The following PPP2R3B variants were observed in gnomAD, a reference collection of about 807,000 sequenced individuals.
PPP2R3B encodes the protein serine/threonine-protein phosphatase 2A regulatory subunit B'' subunit beta.
A neutral mutation model predicts 72.9 loss-of-function variants in PPP2R3B; 68 were observed. That is an observed-to-expected ratio of 0.93 (90% CI 0.77 to 1.14). The LOEUF is 1.14. Among genes scored for constraint, PPP2R3B ranks in the 50% most tolerant of loss-of-function variants. The probability of loss-of-function intolerance (pLI) is 0.00; values close to 1 mark genes in which losing one functional copy is unlikely to be tolerated. For synonymous variants in PPP2R3B, 466 were observed against 375.8 expected (o/e 1.24, Z -2.78); for missense variants, 1,018 against 842.0 (o/e 1.21, Z -2.59).
chrX:355,163 T>C (rs1365597116), intron 2 of PPP2R3B, among the ~76,000 whole-genome samples: 1 of 152,200 alleles, frequency 6.6e-6, no homozygotes, highest in Non-Finnish European at 1.5e-5. Flanking sequence ...TGAGTTAAAC[T>C]TGGTCAGAAA....
chrX:354,910 C>T (rs532236352), intron 2 of PPP2R3B, among the ~76,000 whole-genome samples: 30 of 152,278 alleles, frequency 2.0e-4, no homozygotes, highest in African/African-American at 6.5e-4. Context: ...CCTCCTGAGT[C>T]TGATGAAGGA....
In PPP2R3B at chrX:382,766, C is replaced by A. The variant is rs1052157606; in HGVS notation, c.324+3602G>T. On this transcript the variant is annotated intron_variant, in intron 1 of 12. Coordinates refer to ENST00000390665, the MANE Select transcript of PPP2R3B (RefSeq NM_013239.5). ...ATTCCCAGCCCTAGGAGAATTCATG[C>A]AAAGTCACAATAGTCCCAGCCCTAG... Among the ~76,000 whole-genome samples, 10 of 152,114 alleles carry A rather than the reference C, an allele frequency of 6.6e-5. No homozygotes were observed. In the East Asian group the frequency reaches 1.9e-3, roughly 29 times the overall value.
intron 2 of PPP2R3B, among the ~76,000 whole-genome samples, chrX:353,740 G>A (rs1179619457): frequency 6.6e-6 from 1 of 151,956 alleles, no homozygotes; most frequent in Non-Finnish European, 1.5e-5. Context: ...CAGGGACCGG[G>A]GGCTGGGGGC....
In PPP2R3B at chrX:341,408, G is replaced by A; in HGVS notation, c.1086-12C>T. On this transcript the variant is annotated splice_polypyrimidine_tract_variant and intron_variant, in intron 8 of 12. Transcript: ENST00000390665. Reference sequence around the variant, plus strand: ...GCACTTTTCTGCCTCTAGATCGAAAGCCAGGATGGAGAGACGAAGATGCAT... The same window carrying A: ...GCACTTTTCTGCCTCTAGATCGAAAACCAGGATGGAGAGACGAAGATGCAT... 1.9e-6 allele frequency: 3 copies of A among 1,611,882 alleles called. No homozygotes were observed. Among genetic ancestry groups the A allele is most frequent in the South Asian group, 1.1e-5 (1 of 91,064 alleles).
At chrX:355,872 G>T (rs1288999623) in intron 2 of PPP2R3B, among the ~76,000 whole-genome samples, 2 of 152,036 alleles carry the variant, frequency 1.3e-5, no homozygotes, top group South Asian at 4.1e-4. Context: ...CCGCTCAAGC[G>T]CAAGGATGCA....
intron 2 of PPP2R3B, among the ~76,000 whole-genome samples, chrX:352,319 C>A (rs1394687939): frequency 1.3e-5 from 2 of 152,256 alleles, no homozygotes; most frequent in Admixed American, 6.5e-5. Flanking sequence ...CCCACCCGCA[C>A]GGCCAGGACA....
rs201799096 is a variant in PPP2R3B at position 338,861 on chromosome X, G to C, written c.1387C>G (p.Leu463Val). 3.1e-6 allele frequency: 5 copies of C among 1,612,344 alleles called. No homozygotes were observed. The highest frequency in any genetic ancestry group is 3.4e-6 in the Non-Finnish European group (4 of 1,179,708). Residue 463 changes from leucine (L) to valine (V), a missense_variant, in exon 11 of 13, where the codon CTG (leucine) becomes GTG (valine). Transcript: ENST00000390665. ...AAGGTGTCGAAGAAGACGTTAGCCA[G>C]CTTGCAGCGCTTCAGGTCCTGCAGC... ...ITLQDLKRCK[L>V]ANVFFDTFFN...
At chrX:346,564 C>T (rs1484016202) in intron 5 of PPP2R3B, 137 bp downstream of exon 5, 2 of 852,864 alleles carry the variant, frequency 2.3e-6, no homozygotes, top group Non-Finnish European at 3.6e-6. Flanking sequence ...GGAGACTCTC[C>T]CAGAGCGCGG....
At chrX:344,530 G>A (rs1166391389) in intron 7 of PPP2R3B, among the ~76,000 whole-genome samples, 2 of 152,274 alleles carry the variant, frequency 1.3e-5, no homozygotes, top group African/African-American at 4.8e-5. Flanking sequence ...CTGGGACCGA[G>A]AGTGGGCTCC....
chrX:381,906 T>C (rs1322669814), intron 1 of PPP2R3B, among the ~76,000 whole-genome samples: 3 of 152,154 alleles, frequency 2.0e-5, no homozygotes, highest in Admixed American at 2.0e-4. Context: ...CCCAAGCTCA[T>C]CTTTTTTGTC....
At chrX:351,996 G>C (rs1158199268) in intron 2 of PPP2R3B, among the ~76,000 whole-genome samples, 1 of 152,204 alleles carries the variant, frequency 6.6e-6, no homozygotes, top group East Asian at 1.9e-4. Flanking sequence ...ACCAGAGACA[G>C]CTGCACCCCC....
Position 386,386 on chromosome X carries a change from T to G in PPP2R3B, c.306A>C (p.Arg102Ser), listed in dbSNP as rs765246400. The change falls in exon 1 of 13, where the codon AGA becomes AGC. Residue 102 changes from arginine (R) to serine (S), a missense_variant. By Grantham distance (110) the Arg-to-Ser change is moderately radical. Transcript: ENST00000390665. ...AACTTACTACTCTCGTCCCTGCGGA[T>G]CTACGGGTGCCTCGAACGTGGGGCG... is the stretch of plus-strand genomic sequence containing the variant. ...RNAPHVRGTR[R>S]SAGTRVVQTR... is the part of the protein sequence containing the mutation. The G allele has an allele frequency of 3.8e-6, 5 of 1,320,690 alleles. No individual in the cohort carries two copies. In the East Asian group the frequency reaches 1.4e-4, roughly 37 times the overall value. The allele number at this position is 1,320,690 out of a possible 1,614,324, so 81.8% of individuals were successfully genotyped here.
In PPP2R3B at chrX:345,729, C is replaced by T. The variant is rs780467387; in HGVS notation, c.880-57G>A. On this transcript the variant is annotated intron_variant, in intron 6 of 12. Transcript: ENST00000390665. ...GGCCTCTGCGGGGATGCCCCAAGTC[C>T]GCCTGGCTGCGGGCGGGGCAGGGAA... The T allele has an allele frequency of 1.7e-4, 236 of 1,393,596 alleles. No homozygotes were observed. In the African/African-American group the frequency reaches 2.6e-3, roughly 16 times the overall value. 86.3% of individuals were successfully genotyped at this position (1,393,596 alleles called of 1,614,324 possible).
chrX:351,406 C>T (rs1439153698), intron 2 of PPP2R3B, among the ~76,000 whole-genome samples: 3 of 152,184 alleles, frequency 2.0e-5, no homozygotes, highest in South Asian at 4.2e-4. Context: ...TGCTCCTCAC[C>T]GCGTGCAAGA....
chrX:366,939 A>G (rs2071727383), intron 1 of PPP2R3B, among the ~76,000 whole-genome samples: 1 of 151,734 alleles, frequency 6.6e-6, no homozygotes, highest in African/African-American at 2.4e-5. Context: ...GAGGCAGGAG[A>G]ATCGCTTAAA....
intron 1 of PPP2R3B, among the ~76,000 whole-genome samples, chrX:384,737 C>A (rs1466012917): frequency 4.6e-5 from 7 of 152,020 alleles, no homozygotes; most frequent in Non-Finnish European, 8.8e-5. Context: ...GTCATCCCAG[C>A]ACTTTGAGAG....
chrX:374,160 C>T lies in PPP2R3B; in HGVS notation c.324+12208G>A, dbSNP rs760548970. The stretch of plus-strand genomic sequence containing the variant: ...GGCGGAACGCGCATCAACAGGTCCC[C>T]GAGAAGAGAGCCTGGGGACGGCCTC... On this transcript the variant is annotated intron_variant, in intron 1 of 12. Transcript: ENST00000390665. 205 of 152,056 alleles carry T rather than the reference C, an allele frequency of 1.3e-3. 3 individuals are homozygous for T. Among genetic ancestry groups the T allele is most frequent in the African/African-American group, 4.6e-3 (192 of 41,474 alleles). The allele number at this position is 152,056 out of a possible 1,614,324, so 9.4% of individuals were successfully genotyped here. A position where few individuals can be genotyped will look rare whatever the true frequency, so the allele number is the denominator to read the frequency against.
In PPP2R3B at chrX:364,517, A is replaced by C. The variant is rs1346928150; in HGVS notation, c.325-2927T>G. ...AACTTCATCTCTACTAAAAAAAAAA[A>C]AAACAAAAAAAAAAAAACAGAAAAC... On this transcript the variant is annotated intron_variant, in intron 1 of 12. Transcript: ENST00000390665. Among the ~76,000 whole-genome samples, 275 of 110,362 alleles carry C rather than the reference A, an allele frequency of 2.5e-3. 1 individual carries two copies. Among genetic ancestry groups the C allele is most frequent in the African/African-American group, 0.01 (255 of 24,958 alleles). 72.4% of individuals were successfully genotyped at this position (110,362 alleles called of 152,430 possible).
At position 338,759 on chromosome X, in the gene PPP2R3B, G is replaced by A. The variant is rs376718027; in HGVS notation, c.1470+19C>T. 2.0e-5 allele frequency: 33 copies of A among 1,611,740 alleles called. No homozygotes were observed. The highest frequency in any genetic ancestry group is 6.7e-5 in the East Asian group (3 of 44,874). On this transcript the variant is annotated intron_variant, in intron 11 of 12. Transcript: ENST00000390665. ...TACACGGCGTGGCGCGGCCCGGCCC[G>A]CGTGCCCGCCGCACTCACCCTGAGC... is the stretch of plus-strand genomic sequence containing the variant.
Sources: allele counts gnomAD v4.1 joint callset (sites outside exome capture counted in the v4.1 genomes callset), GRCh38; gene constraint gnomAD v4.1.1; transcripts MANE v1.5; gene names NCBI Gene and HGNC (gene_info 2026-07-23, HGNC 2026-07-21).